COA8: variants seen among roughly 807,000 people sequenced by gnomAD.
COA8 encodes UPF0671 protein C14orf153.
A neutral mutation model predicts 22.0 loss-of-function variants in COA8; 20 were observed. That is an observed-to-expected ratio of 0.91 (90% confidence interval 0.64 to 1.32). COA8 has a LOEUF of 1.32. Ranked by LOEUF, COA8 falls within the 40% of genes most tolerant of loss-of-function variation. The pLI, the probability that COA8 is intolerant of heterozygous loss-of-function variation, is 0.00. For missense variants in COA8, 266 were observed against 230.0 expected (o/e 1.16, Z -1.01); for synonymous variants, 105 against 79.9 (o/e 1.31, Z -1.68).
chr14:103,571,995 C>T (rs937489904), intron 2 of COA8, among the ~76,000 whole-genome samples, 175 bp downstream of exon 2: 1 of 151,968 alleles, frequency 6.6e-6, no homozygotes, highest in Non-Finnish European at 1.5e-5. Flanking sequence ...GGCGTGGTGG[C>T]GGGCGCCTGT....
chr14:103,568,002 C>G (rs908762355), intron 1 of COA8, among the ~76,000 whole-genome samples: 4 of 152,084 alleles, frequency 2.6e-5, no homozygotes, highest in Admixed American at 6.6e-5. Context: ...GCGGATTTGT[C>G]TAGCATCCAT....
chr14:103,590,255 T>A lies in COA8; in HGVS notation c.551T>A (p.Leu184His). 1 of 1,614,112 alleles carries A rather than the reference T, an allele frequency of 6.2e-7. No individual in the cohort carries two copies. Among genetic ancestry groups the A allele is most frequent in the Non-Finnish European group, 8.5e-7 (1 of 1,179,988 alleles). ...GCCCTGGAAAGGATTTGGAACAAGC[T>A]TAAACAGAAACAAAAGAAGAGGAGC... ...KVALERIWNK[L>H]KQKQKKRSN The change falls in exon 5 of 5, where the codon CTT becomes CAT. Residue 184 changes from leucine (L) to histidine (H), a missense_variant. By Grantham distance (99) the Leu-to-His change is moderately conservative (BLOSUM62 -3). Transcript: ENST00000409074.
chr14:103,574,100 TTTTA>T lies in COA8; in HGVS notation c.322-6_322-3del. ...AGCCTTTTTTTTTTTTTTTTTTTTT[TTTTA>T]AGGAAAAAGAAGAATTTATTCACTC... On this transcript the variant is annotated splice_region_variant and splice_polypyrimidine_tract_variant and intron_variant, in intron 2 of 4. Coordinates refer to ENST00000409074, the MANE Select transcript of COA8 (RefSeq NM_001370595.2). The T allele has an allele frequency of 6.5e-7, 1 of 1,536,134 alleles. No individual in the cohort carries two copies. The highest frequency in any genetic ancestry group is 8.7e-7 in the Non-Finnish European group (1 of 1,149,394).
chr14:103,572,249 T>C lies in COA8; in HGVS notation c.321+429T>C, dbSNP rs182239972. Among the ~76,000 whole-genome samples, 449 of 152,308 alleles carry C rather than the reference T, an allele frequency of 2.9e-3. 3 individuals are homozygous for C. The highest frequency in any genetic ancestry group is 0.027 in the Middle Eastern group (8 of 294). On this transcript the variant is annotated intron_variant, in intron 2 of 4. Coordinates refer to ENST00000409074, the MANE Select transcript of COA8 (RefSeq NM_001370595.2). ...GTTACGTGGTAGTACTGGGTCTCAG[T>C]CCATCCCCCGCACTGTATGTACATA...
At chr14:103,585,577 CTTTTTTT>C (rs143878801) in intron 3 of COA8, among the ~76,000 whole-genome samples, 1 of 128,568 alleles carries the variant, frequency 7.8e-6, no homozygotes, top group South Asian at 2.4e-4. Flanking sequence ...GGTTTTTTCT[CTTTTTTT>C]TTTTTTTTTT....
rs760697714 is a variant in COA8 at position 103,563,124 on chromosome 14, G to A, written c.123G>A (p.Gly41=). 43 of 1,539,540 alleles carry A rather than the reference G, an allele frequency of 2.8e-5. No individual in the cohort carries two copies. The highest frequency in any genetic ancestry group is 1.4e-5 in the African/African-American group (1 of 73,184). ...AGCGCAGGGATACGGCGCCCAGCGG[G>A]GTAAGCAGGGGCCTGGGGACATTGG... ...GAERRDTAPS[G]VSRFCPPRKS... Residue 41 remains glycine, a splice_region_variant and synonymous_variant, in exon 1 of 5, where the codon GGG becomes GGA. Coordinates refer to ENST00000409074, the MANE Select transcript of COA8 (RefSeq NM_001370595.2).
intron 3 of COA8, chr14:103,574,620 A>C: frequency 2.8e-6 from 1 of 353,074 alleles, no homozygotes; most frequent in Non-Finnish European, 5.5e-6. Flanking sequence ...GAAAATCCAA[A>C]ATCATCGACC....
intron 1 of COA8, 186 bp downstream of exon 1, chr14:103,563,310 T>G: frequency 1.2e-6 from 1 of 816,424 alleles, no homozygotes; most frequent in Non-Finnish European, 2.0e-6. Context: ...CGGATGGGAC[T>G]GAGGGTGCCG....
intron 2 of COA8, among the ~76,000 whole-genome samples, chr14:103,572,719 A>T (rs1434067434): frequency 6.6e-6 from 1 of 151,838 alleles, no homozygotes; most frequent in Non-Finnish European, 1.5e-5. Context: ...GACAGGAGTG[A>T]GACCCTCAAA....
intron 1 of COA8, among the ~76,000 whole-genome samples, chr14:103,565,704 C>T (rs779303370): frequency 4.0e-5 from 6 of 151,734 alleles, no homozygotes; most frequent in Non-Finnish European, 7.4e-5. Flanking sequence ...CAACCTCCAC[C>T]GCCCGGGTTC....
At chr14:103,577,031 A>G (rs1001269166) in intron 3 of COA8, among the ~76,000 whole-genome samples, 1 of 152,228 alleles carries the variant, frequency 6.6e-6, no homozygotes, top group African/African-American at 2.4e-5. Context: ...TAACGTGACT[A>G]CAAGAAGAAA....
Position 103,590,232 on chromosome 14 carries a change from C to T in COA8, c.528C>T (p.Ala176=). ...FAITFFMGKV[A]LERIWNKLKQ... ...TCACCTTCTTCATGGGAAAAGTGGC[C>T]CTGGAAAGGATTTGGAACAAGCTTA... Residue 176 remains alanine (A), a synonymous_variant, in exon 5 of 5, where the codon GCC becomes GCT. Transcript: ENST00000409074. The T allele has an allele frequency of 1.9e-6, 3 of 1,614,074 alleles. No individual in the cohort carries two copies. The highest frequency in any genetic ancestry group is 2.5e-6 in the Non-Finnish European group (3 of 1,179,990).
At chr14:103,563,242 T>C (rs1317470711) in intron 1 of COA8, 118 bp downstream of exon 1, 15 of 1,351,742 alleles carry the variant, frequency 1.1e-5, no homozygotes, top group African/African-American at 1.4e-5. Context: ...CCAGGTGCTC[T>C]CGCGTCCTAT....
intron 3 of COA8, among the ~76,000 whole-genome samples, chr14:103,579,141 C>T (rs937949267): frequency 6.6e-6 from 1 of 152,042 alleles, no homozygotes; most frequent in Non-Finnish European, 1.5e-5. Context: ...AACAGTAACA[C>T]ATGAGACAGA....
chr14:103,583,438 G>T (rs2076282593), intron 3 of COA8, among the ~76,000 whole-genome samples: 1 of 151,140 alleles, frequency 6.6e-6, no homozygotes, highest in African/African-American at 2.4e-5. Context: ...CTACTCGGGA[G>T]GCTGAAGCAG....
At chr14:103,585,575 C>CTTTT in intron 3 of COA8, among the ~76,000 whole-genome samples, 1 of 130,440 alleles carries the variant, frequency 7.7e-6, no homozygotes. Flanking sequence ...TAGGTTTTTT[C>CTTTT]TCTTTTTTTT....
chr14:103,572,310 A>G (rs566431820), intron 2 of COA8, among the ~76,000 whole-genome samples: 1 of 152,202 alleles, frequency 6.6e-6, no homozygotes, highest in East Asian at 1.9e-4. Flanking sequence ...ATGTAACTGT[A>G]TATAAGAAAT....
At chr14:103,583,701 G>A (rs2076285116) in intron 3 of COA8, among the ~76,000 whole-genome samples, 1 of 152,062 alleles carries the variant, frequency 6.6e-6, no homozygotes, top group African/African-American at 2.4e-5. Context: ...CATGTCTGAT[G>A]CCACAGGTTA....
rs1555414013 is a variant in COA8, at chr14:103,585,577, C to CTCT, written c.386-1696_386-1695insCTT. The stretch of plus-strand genomic sequence containing the variant: ...TTCTCCCGTTCTATAGGTTTTTTCT[C>CTCT]TTTTTTTTTTTTTTTTTGAAACAGA... On this transcript the variant is annotated intron_variant, in intron 3 of 4. Coordinates refer to ENST00000409074, the MANE Select transcript of COA8 (RefSeq NM_001370595.2). Among the ~76,000 whole-genome samples, 5 of 128,566 alleles carry CTCT rather than the reference C, an allele frequency of 3.9e-5. 1 individual carries two copies. Among genetic ancestry groups the CTCT allele is most frequent in the South Asian group, 4.9e-4 (2 of 4,110 alleles). 84.3% of individuals were successfully genotyped at this position (128,566 alleles called of 152,430 possible).
Sources: allele counts gnomAD v4.1 joint callset (sites outside exome capture counted in the v4.1 genomes callset), GRCh38; gene constraint gnomAD v4.1.1; transcripts MANE v1.5; gene names NCBI Gene and HGNC (gene_info 2026-07-23, HGNC 2026-07-21).